Variants in VWA3A observed in about 807,000 individuals in gnomAD.
VWA3A encodes the protein von Willebrand factor A domain containing 3A, also known as von Willebrand factor A domain-containing protein 3A.
A neutral mutation model predicts 160.4 loss-of-function variants in VWA3A; 134 were observed. That is an observed-to-expected ratio of 0.84 (90% CI 0.73 to 0.96). The LOEUF (loss-of-function observed/expected upper bound fraction) is 0.96. VWA3A is among the 40% of genes least tolerant of loss of function. The pLI, the probability that VWA3A is intolerant of heterozygous loss-of-function variation, is 0.00. For synonymous variants in VWA3A, 476 were observed against 543.4 expected (o/e 0.88, Z 1.72); for missense variants, 1,310 against 1,447.9 (o/e 0.90, Z 1.55).
chr16:22,097,688 A>AC lies in VWA3A; in HGVS notation c.219dup (p.Leu75ThrfsTer7). 6.4e-7 allele frequency: 1 copy of AC among 1,551,642 alleles called. No individual in the cohort carries two copies. ...GTTACACATGTTAACCAGACACAGG[A>AC]CTTACTGGTAAAGACCATGGCACTT... is the stretch of plus-strand genomic sequence containing the variant. On this transcript the variant is annotated frameshift_variant, in exon 3 of 34. Coordinates refer to ENST00000389398, the MANE Select transcript of VWA3A (RefSeq NM_173615.5). LOFTEE classifies it high-confidence loss of function.
chr16:22,092,878 C>T (rs1460466398), intron 1 of VWA3A, among the ~76,000 whole-genome samples: 1 of 152,050 alleles, frequency 6.6e-6, no homozygotes, highest in African/African-American at 2.4e-5. Flanking sequence ...AGTGAAGGGG[C>T]AGCGACAGGA....
In VWA3A at chr16:22,126,292, C is replaced by A. The variant is rs1409826670; in HGVS notation, c.1647C>A (p.Leu549=). Residue 549 remains leucine, a synonymous_variant, in exon 17 of 34, where the codon CTC becomes CTA. Transcript: ENST00000389398. ...TATCCAACAAGGACTGTTTCAACCT[C>A]ATCGCGTATGTGTCTCCTGGCTCCT... ...EQLSNKDCFN[L]IAFGSTIESW... 1 of 1,612,340 alleles carries A rather than the reference C, an allele frequency of 6.2e-7. No homozygotes were observed. The highest frequency in any genetic ancestry group is 8.5e-7 in the Non-Finnish European group (1 of 1,178,872).
chr16:22,119,780 G>A (rs1310448559), intron 12 of VWA3A, among the ~76,000 whole-genome samples: 1 of 152,158 alleles, frequency 6.6e-6, no homozygotes, highest in African/African-American at 2.4e-5. Flanking sequence ...CACTTTGTGA[G>A]GCTGAGGCAG....
At chr16:22,118,832 C>A in intron 11 of VWA3A, 70 bp from the exon 12 acceptor site, 1 of 1,592,900 alleles carries the variant, frequency 6.3e-7, no homozygotes. Flanking sequence ...TGGCTGCTTG[C>A]CCCTTCCTGG....
chr16:22,109,431 G>C, intron 6 of VWA3A, 51 bp from the exon 7 acceptor site: 1 of 1,442,150 alleles, frequency 6.9e-7, no homozygotes, highest in South Asian at 1.2e-5. Context: ...CTCAGTGTAG[G>C]AGACACACAG....
chr16:22,124,064 A>G (rs2045796283), intron 16 of VWA3A, among the ~76,000 whole-genome samples: 1 of 151,844 alleles, frequency 6.6e-6, no homozygotes, highest in African/African-American at 2.4e-5. Context: ...AGTCCCAGCC[A>G]CTTAGGAGGC....
intron 21 of VWA3A, among the ~76,000 whole-genome samples, chr16:22,137,776 G>A (rs1298842985): frequency 3.3e-5 from 5 of 152,250 alleles, no homozygotes; most frequent in Non-Finnish European, 5.9e-5. Context: ...TCCTCTGGGG[G>A]TCTTCAAACT....
At chr16:22,099,124 G>C (rs1236412704) in intron 3 of VWA3A, among the ~76,000 whole-genome samples, 2 of 151,636 alleles carry the variant, frequency 1.3e-5, no homozygotes, top group Admixed American at 6.6e-5. Flanking sequence ...TACCATGCTC[G>C]GTGTTTCCAA....
chr16:22,142,929 T>G (rs183879293), intron 25 of VWA3A, among the ~76,000 whole-genome samples, 164 bp downstream of exon 25: 1 of 151,934 alleles, frequency 6.6e-6, no homozygotes, highest in African/African-American at 2.4e-5. Flanking sequence ...GGTGGGTGGA[T>G]CACTTGAGGT....
At chr16:22,127,825 G>A (rs1411911038) in intron 17 of VWA3A, among the ~76,000 whole-genome samples, 2 of 152,184 alleles carry the variant, frequency 1.3e-5, no homozygotes, top group Non-Finnish European at 2.9e-5. Flanking sequence ...GTTAAGGAGT[G>A]CTGTTAAGCG....
intron 9 of VWA3A, among the ~76,000 whole-genome samples, 195 bp downstream of exon 9, chr16:22,115,667 TA>T (rs560660662): frequency 2.1e-3 from 300 of 139,836 alleles, no homozygotes; most frequent in Non-Finnish European, 2.7e-3. Flanking sequence ...CCCTATCTCT[TA>T]AAAAAAAAAA....
At chr16:22,142,961 C>A (rs142732891) in intron 25 of VWA3A, among the ~76,000 whole-genome samples, 196 bp downstream of exon 25, 2 of 151,936 alleles carry the variant, frequency 1.3e-5, no homozygotes, top group African/African-American at 4.8e-5. Context: ...GACCACCTGG[C>A]CAACATGGTG....
At position 22,117,182 on chromosome 16, in the gene VWA3A, C is replaced by T. The variant is rs1022181345; in HGVS notation, c.990+6C>T. Reference sequence around the variant, plus strand: ...GCTACAGCCCAAAGATGGAGGTAAGCCCTTCTGTCAACACATGGCCCCTCT... The same window carrying T: ...GCTACAGCCCAAAGATGGAGGTAAGTCCTTCTGTCAACACATGGCCCCTCT... On this transcript the variant is annotated splice_donor_region_variant and intron_variant, in intron 11 of 33. Transcript: ENST00000389398. 1 of 1,574,388 alleles carries T rather than the reference C, an allele frequency of 6.4e-7. No individual in the cohort carries two copies. Among genetic ancestry groups the T allele is most frequent in the Non-Finnish European group, 8.6e-7 (1 of 1,159,576 alleles).
At chr16:22,110,809 C>A (rs760000840) in intron 7 of VWA3A, 79 bp from the exon 8 acceptor site, 124 of 1,361,200 alleles carry the variant, frequency 9.1e-5, no homozygotes, top group Non-Finnish European at 1.1e-4. Context: ...CCCAGAGGGG[C>A]CAGCAAAGGC....
Position 22,126,179 on chromosome 16 carries a change from G to A in VWA3A, c.1534G>A (p.Val512Met). 6.2e-7 allele frequency: 1 copy of A among 1,613,716 alleles called. No individual in the cohort carries two copies. The highest frequency in any genetic ancestry group is 8.5e-7 in the Non-Finnish European group (1 of 1,179,784). The change falls in exon 17 of 34, where the codon GTG becomes ATG. Residue 512 changes from valine (V) to methionine (M), a missense_variant and splice_region_variant. Physicochemically the swap from Val to Met is conservative, Grantham distance 21. Transcript: ENST00000389398. The stretch of plus-strand genomic sequence containing the variant: ...CTTAAAGCTCGTGTTTCCTTTTAGG[G>A]TGGTTGTACTGCTCGATATCTCTGC... ...RIWGTVCEKR[V>M]VVLLDISATN... is the part of the protein sequence containing the mutation.
intron 17 of VWA3A, among the ~76,000 whole-genome samples, chr16:22,127,351 C>T (rs545312417): frequency 1.3e-5 from 2 of 152,188 alleles, no homozygotes; most frequent in African/African-American, 4.8e-5. Context: ...ATCTTGAACT[C>T]CTAACCTCAA....
In VWA3A at chr16:22,123,184, C is replaced by T; in HGVS notation, c.1437+19C>T. ...GTACCAGGTCAGTGATGGGTTCAAT[C>T]AGTCAGAAAATGGGGTGCAGAAAGT... On this transcript the variant is annotated intron_variant, in intron 15 of 33. Coordinates refer to ENST00000389398, the MANE Select transcript of VWA3A (RefSeq NM_173615.5). 6.3e-7 allele frequency: 1 copy of T among 1,585,068 alleles called. No homozygotes were observed. The highest frequency in any genetic ancestry group is 1.2e-5 in the South Asian group (1 of 86,906).
At chr16:22,149,987 T>C in intron 29 of VWA3A, 56 bp downstream of exon 29, 10 of 1,535,606 alleles carry the variant, frequency 6.5e-6, no homozygotes, top group Non-Finnish European at 8.8e-6. Flanking sequence ...TCATCCCCTA[T>C]GCTGATGCTG....
At position 22,092,654 on chromosome 16, in the gene VWA3A, G is replaced by A. The variant is rs1316463545; in HGVS notation, c.14+3G>A. The stretch of plus-strand genomic sequence containing the variant: ...GAGAAATAAATGAAGAAATACAGGT[G>A]AGGGTGAGCATCACAAGGGTTGACA... On this transcript the variant is annotated splice_donor_region_variant and intron_variant, in intron 1 of 33. Transcript: ENST00000389398. 9.7e-6 allele frequency: 15 copies of A among 1,550,990 alleles called. No homozygotes were observed. Among genetic ancestry groups the A allele is most frequent in the Non-Finnish European group, 1.2e-5 (14 of 1,146,508 alleles).
Sources: allele counts gnomAD v4.1 joint callset (sites outside exome capture counted in the v4.1 genomes callset), GRCh38; gene constraint gnomAD v4.1.1; transcripts MANE v1.5; gene names NCBI Gene and HGNC (gene_info 2026-07-23, HGNC 2026-07-21).